The following ZNF385D variants were observed in gnomAD, a reference collection of about 807,000 sequenced individuals.
ZNF385D encodes the protein zinc finger protein 385D, also known as zinc finger protein 659.
Under a neutral mutation model 35.8 loss-of-function variants are expected in ZNF385D, and 15 were observed. That is an observed-to-expected ratio of 0.42 (90% CI 0.28 to 0.64). The LOEUF is 0.64. Among genes scored for constraint, ZNF385D ranks in the 30% least tolerant of loss-of-function variants. The pLI is 0.23. For synonymous variants in ZNF385D, 212 were observed against 186.8 expected (o/e 1.13, Z -1.10); for missense variants, 474 against 494.6 (o/e 0.96, Z 0.39).
intron 2 of ZNF385D, among the ~76,000 whole-genome samples, chr3:22,345,234 T>C (rs1283274021): frequency 3.3e-5 from 5 of 152,218 alleles, no homozygotes; most frequent in Non-Finnish European, 5.9e-5. Flanking sequence ...ATTATTTCAC[T>C]GTCCAGGTAA....
At chr3:21,512,040 G>A (rs913860445) in intron 3 of ZNF385D, among the ~76,000 whole-genome samples, 2 of 150,840 alleles carry the variant, frequency 1.3e-5, no homozygotes. Flanking sequence ...CCAGCTACTC[G>A]GGAGGCTGAG....
intron 3 of ZNF385D, among the ~76,000 whole-genome samples, chr3:21,905,205 CA>C (rs63147760): frequency 0.01 from 724 of 69,718 alleles, no homozygotes; most frequent in Middle Eastern, 0.019. Flanking sequence ...ACAAAAAATC[CA>C]AAAAAAAAAA....
At chr3:22,030,340 T>C (rs1385073673) in intron 3 of ZNF385D, among the ~76,000 whole-genome samples, 2 of 127,434 alleles carry the variant, frequency 1.6e-5, no homozygotes, top group Non-Finnish European at 3.3e-5. Flanking sequence ...CTCTGACTAA[T>C]ATGGTTTAAT....
intron 2 of ZNF385D, among the ~76,000 whole-genome samples, chr3:22,182,067 T>C (rs1408995267): frequency 1.3e-5 from 2 of 152,074 alleles, no homozygotes; most frequent in Admixed American, 6.6e-5. Context: ...ATCTTTATTG[T>C]AGCCTGGAAG....
At chr3:21,960,912 A>G (rs1027614190) in intron 3 of ZNF385D, among the ~76,000 whole-genome samples, 11 of 152,118 alleles carry the variant, frequency 7.2e-5, no homozygotes, top group African/African-American at 2.7e-4. Context: ...CGTGGGTATT[A>G]GAGGATATGG....
intron 2 of ZNF385D, among the ~76,000 whole-genome samples, chr3:22,189,864 GT>G (rs1239954092): frequency 6.6e-6 from 1 of 152,104 alleles, no homozygotes; most frequent in Non-Finnish European, 1.5e-5. Flanking sequence ...AAAGTGTCCT[GT>G]TGTTCATTAA....
chr3:22,129,987 C>G (rs561361769), intron 3 of ZNF385D, among the ~76,000 whole-genome samples: 2 of 152,224 alleles, frequency 1.3e-5, no homozygotes, highest in Admixed American at 6.5e-5. Context: ...TGCCTGGCTA[C>G]TGCTGATGTT....
rs201126274 is a variant in ZNF385D, at chr3:22,267,416, G to GA, written c.107-98382dup. Among the ~76,000 whole-genome samples, 879 of 148,740 alleles carry GA rather than the reference G, an allele frequency of 5.9e-3. 6 individuals are homozygous for GA. The highest frequency in any genetic ancestry group is 0.017 in the African/African-American group (672 of 40,578). On this transcript the variant is annotated intron_variant, in intron 2 of 5. Transcript: ENST00000494108. ...ACTACATATTTAGATGCTTTTCTCT[G>GA]AAAAAAAAATATAAGGTAAAGAATA...
At chr3:22,173,481 A>G (rs1174636053) in intron 2 of ZNF385D, among the ~76,000 whole-genome samples, 1 of 152,194 alleles carries the variant, frequency 6.6e-6, no homozygotes, top group Non-Finnish European at 1.5e-5. Context: ...GTTTTATTTA[A>G]TATTTTTTAA....
At chr3:21,778,461 G>A (rs977832794) in intron 3 of ZNF385D, among the ~76,000 whole-genome samples, 2 of 151,744 alleles carry the variant, frequency 1.3e-5, no homozygotes, top group African/African-American at 4.8e-5. Context: ...ATCTCACAGG[G>A]GTAATCTAAA....
At chr3:21,613,915 C>A (rs2064764065) in intron 2 of ZNF385D, among the ~76,000 whole-genome samples, 1 of 152,118 alleles carries the variant, frequency 6.6e-6, no homozygotes, top group Non-Finnish European at 1.5e-5. Context: ...ATGAGTTGGA[C>A]CCCAAATATA....
At chr3:21,912,815 A>G (rs539190578) in intron 3 of ZNF385D, among the ~76,000 whole-genome samples, 120 of 152,176 alleles carry the variant, frequency 7.9e-4, no homozygotes, top group African/African-American at 2.5e-3. Context: ...TTCCTGGGTC[A>G]TTATTGGTCC....
chr3:21,575,387 A>G (rs1575225800), intron 2 of ZNF385D, among the ~76,000 whole-genome samples: 1 of 152,198 alleles, frequency 6.6e-6, no homozygotes, highest in African/African-American at 2.4e-5. Flanking sequence ...AATTCATTCA[A>G]CTAGGGACAG....
chr3:22,312,088 T>A (rs1214019400), intron 2 of ZNF385D, among the ~76,000 whole-genome samples: 2 of 152,080 alleles, frequency 1.3e-5, no homozygotes, highest in Non-Finnish European at 2.9e-5. Context: ...TTCTAATAAC[T>A]CAATCGGGCA....
intron 1 of ZNF385D, among the ~76,000 whole-genome samples, chr3:21,702,127 C>T (rs1256140223): frequency 6.6e-6 from 1 of 152,214 alleles, no homozygotes; most frequent in Non-Finnish European, 1.5e-5. Context: ...TTCTGTACTG[C>T]CCTAGCAGAG....
intron 3 of ZNF385D, among the ~76,000 whole-genome samples, chr3:22,146,871 A>C (rs1038424119): frequency 6.6e-6 from 1 of 152,180 alleles, no homozygotes; most frequent in Non-Finnish European, 1.5e-5. Context: ...AATTTCTCCT[A>C]AGTTCTGAAA....
intron 3 of ZNF385D, among the ~76,000 whole-genome samples, chr3:21,771,110 G>C (rs2071058486): frequency 6.6e-6 from 1 of 151,020 alleles, no homozygotes; most frequent in Non-Finnish European, 1.5e-5. Context: ...GGAGGGGAGA[G>C]GGATAGCATT....
intron 3 of ZNF385D, among the ~76,000 whole-genome samples, chr3:21,988,141 G>C (rs1694921094): frequency 7.8e-6 from 1 of 128,962 alleles, no homozygotes; most frequent in Non-Finnish European, 1.7e-5. Context: ...AGAGTCATTT[G>C]ATCATCTGAA....
intron 2 of ZNF385D, among the ~76,000 whole-genome samples, chr3:22,356,382 A>AT (rs1002251400): frequency 6.6e-6 from 1 of 151,874 alleles, no homozygotes; most frequent in African/African-American, 2.4e-5. Flanking sequence ...CTATCCCTTG[A>AT]TTTTTTAAGG....
Sources: allele counts gnomAD v4.1 joint callset (sites outside exome capture counted in the v4.1 genomes callset), GRCh38; gene constraint gnomAD v4.1.1; transcripts MANE v1.5; gene names NCBI Gene and HGNC (gene_info 2026-07-23, HGNC 2026-07-21).